DEPDC5: variants seen among roughly 807,000 people sequenced by gnomAD.
DEPDC5 encodes the protein GATOR1 complex protein DEPDC5.
Under a neutral mutation model 217.3 loss-of-function variants are expected in DEPDC5, and 73 were observed. The observed-to-expected ratio is 0.34, with a 90% CI of 0.28 to 0.41. The LOEUF (loss-of-function observed/expected upper bound fraction) is 0.41, where lower values mean the gene tolerates loss of function less well. Ranked by LOEUF, DEPDC5 falls within the 10% of genes least tolerant of loss-of-function variation. The pLI is 1.00. For synonymous variants in DEPDC5, 733 were observed against 756.7 expected (o/e 0.97, Z 0.51); for missense variants, 1,675 against 2,070.1 (o/e 0.81, Z 3.70).
At chr22:31,772,970 C>CG (rs2083488339) in intron 7 of DEPDC5, among the ~76,000 whole-genome samples, 1 of 151,692 alleles carries the variant, frequency 6.6e-6, no homozygotes, top group African/African-American at 2.4e-5. Flanking sequence ...TTAGTAGACA[C>CG]GGGGTCTTGC....
chr22:31,865,625 A>C (rs1745469305), intron 33 of DEPDC5, among the ~76,000 whole-genome samples: 1 of 152,232 alleles, frequency 6.6e-6, no homozygotes, highest in South Asian at 2.1e-4. Flanking sequence ...AGCAAATTCC[A>C]AGCACCTGCT....
intron 37 of DEPDC5, among the ~76,000 whole-genome samples, chr22:31,876,609 A>T (rs1009266054): frequency 2.6e-5 from 4 of 152,114 alleles, no homozygotes; most frequent in Non-Finnish European, 5.9e-5. Context: ...GGTTCTGATT[A>T]TATTATCATG....
Position 31,792,824 on chromosome 22 carries a change from T to G in DEPDC5, c.767+7T>G, listed in dbSNP as rs757375639. 3.3e-5 allele frequency: 50 copies of G among 1,518,700 alleles called. No individual in the cohort carries two copies. Among genetic ancestry groups the G allele is most frequent in the Non-Finnish European group, 4.3e-5 (49 of 1,144,348 alleles). 94.1% of individuals were successfully genotyped at this position (1,518,700 alleles called of 1,614,324 possible). On this transcript the variant is annotated splice_region_variant and intron_variant, in intron 12 of 42. Transcript: ENST00000651528. ...TCTATGAAGACTTTTACAAGTATGTTTGGGTGCTTTGCTATACTTTTTATT... is the reference window on the plus strand; with the variant it reads ...TCTATGAAGACTTTTACAAGTATGTGTGGGTGCTTTGCTATACTTTTTATT...
chr22:31,872,332 C>T (rs189498541), intron 34 of DEPDC5, among the ~76,000 whole-genome samples: 66 of 152,282 alleles, frequency 4.3e-4, no homozygotes, highest in Admixed American at 2.4e-3. Context: ...TTCAAAGGGT[C>T]GGTGTTAATT....
intron 9 of DEPDC5, 174 bp from the exon 10 acceptor site, chr22:31,784,640 G>T: frequency 1.2e-4 from 55 of 463,884 alleles, no homozygotes; most frequent in Non-Finnish European, 1.5e-4. Context: ...AAAAAAAGAT[G>T]TACAAAATAC....
In DEPDC5 at chr22:31,804,862, C is replaced by G; in HGVS notation, c.1164C>G (p.Pro388=). Residue 388 remains proline (P), a synonymous_variant, in exon 17 of 43, where the codon CCC becomes CCG. Transcript: ENST00000651528. ...PLFKLHNRSA[P]RDSRLGDDYN... ...TGCAGCTCCATAATCGGAGTGCTCC[C>G]CGTGATTCTCGTCTGGGCGATGACT... 1 of 1,613,990 alleles carries G rather than the reference C, an allele frequency of 6.2e-7. No homozygotes were observed. The highest frequency in any genetic ancestry group is 8.5e-7 in the Non-Finnish European group (1 of 1,179,908).
At chr22:31,904,659 G>C (rs2093724961) in intron 41 of DEPDC5, among the ~76,000 whole-genome samples, 1 of 152,176 alleles carries the variant, frequency 6.6e-6, no homozygotes, top group Non-Finnish European at 1.5e-5. Flanking sequence ...CACAAGAATT[G>C]CTTGAACCCG....
At chr22:31,890,419 A>G (rs1460514575) in intron 38 of DEPDC5, 1 of 152,142 alleles carries the variant, frequency 6.6e-6, no homozygotes, top group Non-Finnish European at 1.5e-5. Context: ...TCATCATACA[A>G]AAAGGGATTT....
chr22:31,852,310 G>A (rs1409665545), intron 31 of DEPDC5, among the ~76,000 whole-genome samples: 1 of 147,728 alleles, frequency 6.8e-6, no homozygotes, highest in Non-Finnish European at 1.5e-5. Context: ...TCCAACTTAT[G>A]TTTTCCTTTT....
intron 7 of DEPDC5, among the ~76,000 whole-genome samples, chr22:31,776,033 T>C (rs1387463314): frequency 5.2e-5 from 6 of 115,604 alleles, no homozygotes; most frequent in Admixed American, 4.0e-4. Context: ...AGAGCGAGAC[T>C]ACATCTCAAA....
At chr22:31,874,072 C>A in intron 35 of DEPDC5, 1 of 711,008 alleles carries the variant, frequency 1.4e-6, no homozygotes, top group Non-Finnish European at 2.1e-6. Context: ...GGATTACAGG[C>A]GTGAGCGACC....
At position 31,852,466 on chromosome 22, in the gene DEPDC5, G is replaced by A. The variant is rs575228187; in HGVS notation, c.3156-4979G>A. Among the ~76,000 whole-genome samples, 117 of 151,014 alleles carry A rather than the reference G, an allele frequency of 7.7e-4. 2 individuals carry two copies. Among genetic ancestry groups the A allele is most frequent in the Non-Finnish European group, 1.0e-3 (69 of 67,852 alleles). ...AGTGATTCTCCTGCCTCAGCCTCCCGAGAAGCTGGGATTACAGGCATGCGC... is the reference window on the plus strand; with the variant it reads ...AGTGATTCTCCTGCCTCAGCCTCCCAAGAAGCTGGGATTACAGGCATGCGC... On this transcript the variant is annotated intron_variant, in intron 31 of 42. Coordinates refer to ENST00000651528, the MANE Select transcript of DEPDC5 (RefSeq NM_001242896.3).
chr22:31,902,509 C>T (rs1489550166), intron 41 of DEPDC5, among the ~76,000 whole-genome samples: 1 of 150,348 alleles, frequency 6.7e-6, no homozygotes, highest in Non-Finnish European at 1.5e-5. Context: ...TACCTTAGAC[C>T]TTCGTCTAAG....
chr22:31,885,074 T>C (rs897368721), intron 38 of DEPDC5, among the ~76,000 whole-genome samples: 3 of 152,168 alleles, frequency 2.0e-5, no homozygotes, highest in African/African-American at 2.4e-5. Context: ...CCTGGCTTCC[T>C]CCCCTGCTCC....
In DEPDC5 at chr22:31,804,217, G is replaced by T. The variant is rs1430793856; in HGVS notation, c.1137G>T (p.Leu379Phe). 6.2e-7 allele frequency: 1 copy of T among 1,614,084 alleles called. No homozygotes were observed. The highest frequency in any genetic ancestry group is 8.5e-7 in the Non-Finnish European group (1 of 1,180,002). ...AGCAACCGTTACATGCTGTCCCATT[G>T]TTCAAGGTAATTAGATTTCGGATTT... ...MGEQPLHAVP[L>F]FKLHNRSAPR... Residue 379 changes from leucine (L) to phenylalanine (F), a missense_variant, in exon 16 of 43, where the codon TTG becomes TTT. Leu to Phe is a conservative substitution (Grantham distance 22). Coordinates refer to ENST00000651528, the MANE Select transcript of DEPDC5 (RefSeq NM_001242896.3).
chr22:31,771,408 G>T (rs1334654501), intron 7 of DEPDC5, among the ~76,000 whole-genome samples: 6 of 152,188 alleles, frequency 3.9e-5, no homozygotes, highest in African/African-American at 1.4e-4. Context: ...AACATAGTAA[G>T]ACCTCATCTC....
At chr22:31,787,909 C>T (rs950814354) in intron 10 of DEPDC5, among the ~76,000 whole-genome samples, 17 of 151,274 alleles carry the variant, frequency 1.1e-4, no homozygotes, top group African/African-American at 3.9e-4. Flanking sequence ...AGTCTGTTAT[C>T]CAGAAAATAT....
At chr22:31,828,452 CAA>C (rs35489633) in intron 24 of DEPDC5, among the ~76,000 whole-genome samples, 86 of 73,190 alleles carry the variant, frequency 1.2e-3, no homozygotes, top group East Asian at 3.2e-3. Flanking sequence ...AACTCCGTCT[CAA>C]AAAAAAAAAA....
intron 30 of DEPDC5, 69 bp downstream of exon 30, chr22:31,845,306 G>T: frequency 1.3e-6 from 2 of 1,537,374 alleles, no homozygotes; most frequent in Middle Eastern, 3.7e-4. Context: ...CCTCTATTAG[G>T]GGCCTCTCAT....
Sources: allele counts gnomAD v4.1 joint callset (sites outside exome capture counted in the v4.1 genomes callset), GRCh38; gene constraint gnomAD v4.1.1; transcripts MANE v1.5; gene names NCBI Gene and HGNC (gene_info 2026-07-23, HGNC 2026-07-21).